The following NIN variants were observed in gnomAD, a reference collection of about 807,000 sequenced individuals.
NIN encodes the protein ninein.
Under a neutral mutation model 257.6 loss-of-function variants are expected in NIN, and 137 were observed. That is an observed-to-expected ratio of 0.53 (90% confidence interval 0.46 to 0.61). The LOEUF (loss-of-function observed/expected upper bound fraction) is 0.61, where lower values mean the gene tolerates loss of function less well. Ranked by LOEUF, NIN falls within the 20% of genes least tolerant of loss-of-function variation. The probability of loss-of-function intolerance (pLI) is 0.00; values close to 1 mark genes in which losing one functional copy is unlikely to be tolerated. For missense variants in NIN, 2,439 were observed against 2,501.2 expected, an observed-to-expected ratio of 0.98 and a Z score of 0.53; for synonymous variants, 918 against 919.8, an observed-to-expected ratio of 1.00 and a Z score of 0.04.
chr14:50,800,048 A>ACACACACACACACACACACACAC (rs2044026642), intron 4 of NIN, among the ~76,000 whole-genome samples: 1 of 142,166 alleles, frequency 7.0e-6, no homozygotes, highest in Non-Finnish European at 1.6e-5. Flanking sequence ...ACACACACAC[A>ACACACACACACACACACACACAC]ACTCCCAAGT....
chr14:50,785,154 C>T (rs540822990), intron 5 of NIN, among the ~76,000 whole-genome samples: 28 of 152,358 alleles, frequency 1.8e-4, no homozygotes, highest in Non-Finnish European at 3.7e-4. Flanking sequence ...GCTGCACAGG[C>T]GGCACCGATT....
chr14:50,734,720 C>T (rs1489999075), intron 28 of NIN, among the ~76,000 whole-genome samples: 2 of 152,114 alleles, frequency 1.3e-5, no homozygotes, highest in Non-Finnish European at 2.9e-5. Flanking sequence ...CTCACTGTCT[C>T]CCAAGCTGGA....
intron 30 of NIN, chr14:50,723,949 C>T: frequency 2.8e-6 from 1 of 356,114 alleles, no homozygotes; most frequent in Non-Finnish European, 5.1e-6. Flanking sequence ...TTTTTTTCTA[C>T]CTAAATAGGC....
intron 4 of NIN, 148 bp from the exon 5 acceptor site, chr14:50,793,029 G>C: frequency 1.4e-6 from 1 of 737,670 alleles, no homozygotes; most frequent in South Asian, 1.8e-5. Flanking sequence ...GTGTATATGA[G>C]CCATCAGGTC....
intron 2 of NIN, among the ~76,000 whole-genome samples, chr14:50,822,914 C>T (rs1226630606): frequency 6.6e-6 from 1 of 152,214 alleles, no homozygotes; most frequent in Admixed American, 6.5e-5. Flanking sequence ...AAAGGAGCCA[C>T]TGACTGGTTT....
intron 4 of NIN, among the ~76,000 whole-genome samples, chr14:50,801,087 CT>C (rs141791731): frequency 2.5e-4 from 22 of 88,188 alleles, no homozygotes; most frequent in African/African-American, 7.6e-4. Context: ...CTGCGCCCGG[CT>C]TTTTTTTTTT....
intron 4 of NIN, among the ~76,000 whole-genome samples, chr14:50,795,433 T>C (rs17122909): frequency 0.18 from 27,393 of 152,184 alleles, 2,678 homozygotes; most frequent in South Asian, 0.23. Flanking sequence ...GAAAACACTA[T>C]GATTCTCCTC....
intron 18 of NIN, 70 bp downstream of exon 18, chr14:50,756,422 C>G: frequency 2.0e-6 from 3 of 1,495,654 alleles, no homozygotes; most frequent in Non-Finnish European, 2.7e-6. Context: ...CTAGGCACGG[C>G]AAGCAGTGGA....
At chr14:50,759,434 G>A (rs748569330) in intron 17 of NIN, among the ~76,000 whole-genome samples, 16 of 151,606 alleles carry the variant, frequency 1.1e-4, no homozygotes, top group Middle Eastern at 6.8e-3. Context: ...ATTTAAAAGA[G>A]TCTACTCAAT....
rs1272823341 is a variant in NIN at position 50,729,564 on chromosome 14, C to T, written c.6037G>A (p.Glu2013Lys). 7 of 1,613,900 alleles carry T rather than the reference C, an allele frequency of 4.3e-6. No individual in the cohort carries two copies. Among genetic ancestry groups the T allele is most frequent in the Non-Finnish European group, 5.9e-6 (7 of 1,179,942 alleles). ...TCGGAGGTCCTGTTTTCAAGTTCCT[C>T]CTGCAGGTGCTGGTTTATCCTTTCT... ...QAERINQHLQ[E>K]ELENRTSETN... Residue 2013 changes from glutamate (E) to lysine (K), a missense_variant, in exon 29 of 31, where the codon GAG (glutamate) becomes AAG (lysine). By Grantham distance (56) the Glu-to-Lys change is moderately conservative. This residue lies in a region of NIN where 2,043 missense variants were observed against 2,050.2 expected (regional missense o/e 1.00). Coordinates refer to ENST00000530997, the MANE Select transcript of NIN (RefSeq NM_020921.4).
At chr14:50,765,651 T>C (rs2042450537) in intron 14 of NIN, among the ~76,000 whole-genome samples, 1 of 151,856 alleles carries the variant, frequency 6.6e-6, no homozygotes, top group East Asian at 1.9e-4. Context: ...CTGGCCGAAA[T>C]TGGGAATGAT....
intron 15 of NIN, among the ~76,000 whole-genome samples, chr14:50,762,759 T>C (rs2042322115): frequency 6.6e-6 from 1 of 152,184 alleles, no homozygotes; most frequent in African/African-American, 2.4e-5. Context: ...TAGCTTTGCA[T>C]GTGGGGATAC....
chr14:50,812,068 T>C (rs2044655366), intron 3 of NIN, among the ~76,000 whole-genome samples: 1 of 152,120 alleles, frequency 6.6e-6, no homozygotes, highest in South Asian at 2.1e-4. Context: ...TGCAGTGAGT[T>C]GAGATCACGC....
intron 5 of NIN, among the ~76,000 whole-genome samples, chr14:50,787,266 T>C (rs1381915749): frequency 6.6e-6 from 1 of 152,082 alleles, no homozygotes; most frequent in Admixed American, 6.5e-5. Flanking sequence ...GAAAGCAAAG[T>C]GGTCCTGCCC....
Position 50,744,376 on chromosome 14 carries a change from T to C in NIN, c.5065-11A>G, listed in dbSNP as rs191311670. The stretch of plus-strand genomic sequence containing the variant: ...GGGACATCTGTGCAGCTGTAAGAGA[T>C]AAACAAATGAGCCCTCCCATCACAT... On this transcript the variant is annotated splice_polypyrimidine_tract_variant and intron_variant, in intron 22 of 30. Transcript: ENST00000530997. 1.2e-5 allele frequency: 20 copies of C among 1,613,084 alleles called. No individual in the cohort carries two copies. In the Admixed American group the frequency reaches 3.0e-4, roughly 24 times the overall value.
rs952647087 is a variant in NIN, at chr14:50,777,146, G to A, written c.476-7C>T. On this transcript the variant is annotated splice_region_variant and splice_polypyrimidine_tract_variant and intron_variant, in intron 6 of 30. Transcript: ENST00000530997. ...TTCCAAAACCTTAACTGGCCTGAGA[G>A]AGAAGCATATGTTGCACGGTTTCCA... 1 of 1,599,994 alleles carries A rather than the reference G, an allele frequency of 6.3e-7. No individual in the cohort carries two copies. Among genetic ancestry groups the A allele is most frequent in the Non-Finnish European group, 8.5e-7 (1 of 1,173,318 alleles).
Position 50,748,012 on chromosome 14 carries a change from C to T in NIN, c.5044G>A (p.Glu1682Lys). Reference sequence around the variant, plus strand: ...CTTACCTGTTTCATTTTCTCCAGTTCATCTTTGAGAAGGTGGTTTTCCTGT... The same window carrying T: ...CTTACCTGTTTCATTTTCTCCAGTTTATCTTTGAGAAGGTGGTTTTCCTGT... ...VQQENHLLKD[E>K]LEKMKQLHRC... Residue 1682 changes from glutamate (E) to lysine (K), a missense_variant, in exon 22 of 31, where the codon GAA (glutamate) becomes AAA (lysine). Transcript: ENST00000530997. The T allele has an allele frequency of 6.2e-7, 1 of 1,612,754 alleles. No homozygotes were observed. The highest frequency in any genetic ancestry group is 8.5e-7 in the Non-Finnish European group (1 of 1,178,802).
chr14:50,781,345 A>G (rs993298696), intron 5 of NIN, among the ~76,000 whole-genome samples: 3 of 152,214 alleles, frequency 2.0e-5, no homozygotes, highest in African/African-American at 7.2e-5. Context: ...AGAGAGTCCC[A>G]GTTGGAATAT....
rs1287312898 is a variant in NIN at position 50,754,560 on chromosome 14, T to C, written c.4734+3A>G. 1 of 1,598,000 alleles carries C rather than the reference T, an allele frequency of 6.3e-7. No individual in the cohort carries two copies. Among genetic ancestry groups the C allele is most frequent in the Non-Finnish European group, 8.5e-7 (1 of 1,173,750 alleles). On this transcript the variant is annotated splice_donor_region_variant and intron_variant, in intron 20 of 30. Transcript: ENST00000530997. ...CATTGAGAAATATTAAGTATTTCCT[T>C]ACCTGTTTCTTTAAATTTTCAACCA...
Sources: gnomAD v4.1 joint callset for allele counts (sites outside exome capture counted in the v4.1 genomes callset) on GRCh38, gnomAD v4.1.1 for gene constraint, gnomAD v4.1.1 regional missense constraint, MANE v1.5 for transcripts, NCBI Gene and HGNC (gene_info 2026-07-23, HGNC 2026-07-21) for gene names.